GTF3C3: variants seen among roughly 807,000 people sequenced by gnomAD.
The protein encoded by GTF3C3 is general transcription factor 3C polypeptide 3.
In GTF3C3, 75 loss-of-function variants were observed where a neutral mutation model predicts 105.2. That is an observed-to-expected ratio of 0.71 (90% CI 0.59 to 0.86). GTF3C3 has a LOEUF of 0.86. Among genes scored for constraint, GTF3C3 ranks in the 40% least tolerant of loss-of-function variants. The pLI, the probability that GTF3C3 is intolerant of heterozygous loss-of-function variation, is 0.00. For synonymous variants in GTF3C3, 335 were observed against 370.4 expected, an observed-to-expected ratio of 0.90 and a Z score of 1.10; for missense variants, 856 against 1,076.5, an observed-to-expected ratio of 0.80 and a Z score of 2.87.
intron 8 of GTF3C3, among the ~76,000 whole-genome samples, chr2:196,783,912 G>T (rs1336168468): frequency 6.6e-6 from 1 of 152,108 alleles, no homozygotes; most frequent in Non-Finnish European, 1.5e-5. Flanking sequence ...GAAACTTACT[G>T]AACTGGGTTT....
In GTF3C3 at chr2:196,763,817, A is replaced by T. The variant is rs1438347301; in HGVS notation, c.*746T>A. The T allele has an allele frequency of 6.6e-6, 1 of 152,190 alleles. No homozygotes were observed. The highest frequency in any genetic ancestry group is 2.4e-5 in the African/African-American group (1 of 41,474). 9.4% of individuals were successfully genotyped at this position (152,190 alleles called of 1,614,324 possible). A position where few individuals can be genotyped will look rare whatever the true frequency, so the allele number is the denominator to read the frequency against. On this transcript the variant is annotated 3_prime_UTR_variant, in exon 18 of 18. Transcript: ENST00000263956. ...AAAAAAAAAGTTTTTTACTTTATCA[A>T]TCAGCAGTATGTCCTTTATTCCATA...
At chr2:196,781,420 C>G (rs1699361061) in intron 8 of GTF3C3, among the ~76,000 whole-genome samples, 1 of 120,842 alleles carries the variant, frequency 8.3e-6, no homozygotes. Flanking sequence ...AGAAGCAATA[C>G]AGTTTAACAG....
At position 196,764,596 on chromosome 2, in the gene GTF3C3, A is replaced by G. The variant is rs61741430; in HGVS notation, c.2628T>C (p.Ala876=). ...AACAATAGGTATACAAAAGCGTTTG[A>G]GCCATTCCGGTATTCCCACTGCTCT... ...IYQSSGNTGM[A]QTLLYTYCSI The change falls in exon 18 of 18, where the codon GCT becomes GCC. Residue 876 remains alanine, a synonymous_variant. Coordinates refer to ENST00000263956, the MANE Select transcript of GTF3C3 (RefSeq NM_012086.5). 0.012 allele frequency: 19,709 copies of G among 1,613,828 alleles called. 155 individuals are homozygous for G. The highest frequency in any genetic ancestry group is 0.037 in the Middle Eastern group (222 of 6,062).
At position 196,797,838 on chromosome 2, in the gene GTF3C3, C is replaced by T. The variant is rs749882461; in HGVS notation, c.173G>A (p.Gly58Glu). ...GTCTTGGGATTTGGTAGAGTTAATT[C>T]CTGATGATGATGGAACTTCAGAGTC... ...PDDSEVPSSS[G>E]INSTKSQDKD... Residue 58 changes from glycine to glutamate, a missense_variant, in exon 2 of 18, where the codon GGA becomes GAA. Physicochemically the swap from Gly to Glu is moderately conservative, Grantham distance 98. Around this residue, in one of 3 missense-constraint regions of GTF3C3, gnomAD observed 117 missense variants for 114.0 expected, o/e 1.03. Transcript: ENST00000263956. 4 of 1,611,740 alleles carry T rather than the reference C, an allele frequency of 2.5e-6. No individual in the cohort carries two copies. The South Asian group carries it at 4.4e-5, about 18-fold the overall frequency.
In GTF3C3 at chr2:196,798,818, T is replaced by C. The variant is rs1265182196; in HGVS notation, c.102+692A>G. Among the ~76,000 whole-genome samples the C allele has an allele frequency of 5.9e-5, 8 of 134,990 alleles. No individual in the cohort carries two copies. In the East Asian group the frequency reaches 1.8e-3, roughly 30 times the overall value. 88.6% of individuals were successfully genotyped at this position (134,990 alleles called of 152,430 possible). A position where few individuals can be genotyped will look rare whatever the true frequency, so the allele number is the denominator to read the frequency against. On this transcript the variant is annotated intron_variant, in intron 1 of 17. Transcript: ENST00000263956. ...CCGAGGTTGCAGTGAGCCGAGATCG[T>C]GCCACTGCACTCCAGCCTGGGCAAC...
chr2:196,781,359 TATATATATATA>T, intron 8 of GTF3C3, among the ~76,000 whole-genome samples: 1 of 62,400 alleles, frequency 1.6e-5, no homozygotes, highest in Admixed American at 1.6e-4. Context: ...AAAAAAAAAA[TATATATATATA>T]TATATATATA....
intron 4 of GTF3C3, 118 bp downstream of exon 4, chr2:196,791,219 C>T: frequency 1.2e-6 from 1 of 862,852 alleles, no homozygotes; most frequent in East Asian, 2.6e-5. Flanking sequence ...TTACCATTAC[C>T]ACAATCACCC....
chr2:196,775,391 G>A, intron 12 of GTF3C3, 140 bp from the exon 13 acceptor site: 1 of 606,118 alleles, frequency 1.6e-6, no homozygotes, highest in Non-Finnish European at 2.7e-6. Context: ...AAGTAGCTGG[G>A]ACCACAGGCA....
At chr2:196,798,390 T>C (rs544311431) in intron 1 of GTF3C3, among the ~76,000 whole-genome samples, 28 of 151,980 alleles carry the variant, frequency 1.8e-4, no homozygotes, top group African/African-American at 6.5e-4. Flanking sequence ...CAGAGTGTGA[T>C]GGCTCACACC....
chr2:196,781,780 A>G (rs1488028606), intron 8 of GTF3C3, among the ~76,000 whole-genome samples: 3 of 152,112 alleles, frequency 2.0e-5, no homozygotes, highest in East Asian at 1.9e-4. Context: ...AGTCTGCTCA[A>G]CGAGAGAGCA....
intron 2 of GTF3C3, among the ~76,000 whole-genome samples, chr2:196,795,382 C>T (rs1699625924): frequency 6.6e-6 from 1 of 152,170 alleles, no homozygotes; most frequent in South Asian, 2.1e-4. Flanking sequence ...TGAAATACTT[C>T]AAATGAGATA....
Position 196,764,386 on chromosome 2 carries a change from A to C in GTF3C3, c.*177T>G. The C allele has an allele frequency of 2.0e-6, 1 of 505,840 alleles. No homozygotes were observed. Among genetic ancestry groups the C allele is most frequent in the South Asian group, 5.3e-5 (1 of 18,808 alleles). The allele number at this position is 505,840 out of a possible 1,614,324, so 31.3% of individuals were successfully genotyped here. On this transcript the variant is annotated 3_prime_UTR_variant, in exon 18 of 18. Coordinates refer to ENST00000263956, the MANE Select transcript of GTF3C3 (RefSeq NM_012086.5). Reference sequence around the variant, plus strand: ...AGACCAATATACAAATTTTTGTAGGAATAATTTTGCATATATACCACAAGA... The same window carrying C: ...AGACCAATATACAAATTTTTGTAGGCATAATTTTGCATATATACCACAAGA...
In GTF3C3 at chr2:196,766,580, A is replaced by T; in HGVS notation, c.2523T>A (p.Pro841=). The part of the protein sequence containing the change: ...IHYYQKALEL[P]PLVVEGIELD... ...TGCACAATACCTCTACCACAAGTGG[A>T]GGGAGCTCCAGGGCCTTCTGATAAT... The change falls in exon 17 of 18, where the codon CCT becomes CCA. Residue 841 remains proline, a synonymous_variant. Coordinates refer to ENST00000263956, the MANE Select transcript of GTF3C3 (RefSeq NM_012086.5). 6.2e-7 allele frequency: 1 copy of T among 1,609,916 alleles called. No homozygotes were observed. Among genetic ancestry groups the T allele is most frequent in the Non-Finnish European group, 8.5e-7 (1 of 1,177,540 alleles).
chr2:196,778,790 C>G, intron 10 of GTF3C3, 106 bp downstream of exon 10: 1 of 1,057,738 alleles, frequency 9.5e-7, no homozygotes, highest in South Asian at 1.3e-5. Flanking sequence ...AAAAACTCCC[C>G]TGAAACCAGA....
intron 16 of GTF3C3, among the ~76,000 whole-genome samples, chr2:196,768,311 G>A (rs888267561): frequency 5.9e-5 from 9 of 152,118 alleles, no homozygotes; most frequent in Non-Finnish European, 8.8e-5. Flanking sequence ...AAGCCACTGT[G>A]CCTCGCCAAA....
intron 17 of GTF3C3, 106 bp from the exon 18 acceptor site, chr2:196,764,791 A>AT: frequency 1.1e-6 from 1 of 942,218 alleles, no homozygotes; most frequent in Non-Finnish European, 1.6e-6. Context: ...TTCAAAAGGT[A>AT]TTAAAGCTCA....
At chr2:196,780,215 C>CT (rs57683313) in intron 9 of GTF3C3, 181,947 of 769,070 alleles carry the variant, frequency 0.24, 10,245 homozygotes, top group African/African-American at 0.41. Flanking sequence ...ATGCTAAGTA[C>CT]TTTTTTTTTT....
At chr2:196,769,803 T>G in intron 16 of GTF3C3, 112 bp downstream of exon 16, 1 of 813,358 alleles carries the variant, frequency 1.2e-6, no homozygotes. Context: ...CCCCGTCATG[T>G]GTACTGAGAG....
At chr2:196,790,951 A>C (rs1424346962) in intron 4 of GTF3C3, among the ~76,000 whole-genome samples, 1 of 152,232 alleles carries the variant, frequency 6.6e-6, no homozygotes, top group East Asian at 1.9e-4. Context: ...CTGAGAGATA[A>C]GATGACAAGT....
Sources: gnomAD v4.1 joint callset for allele counts (sites outside exome capture counted in the v4.1 genomes callset) on GRCh38, gnomAD v4.1.1 for gene constraint, gnomAD v4.1.1 regional missense constraint, MANE v1.5 for transcripts, NCBI Gene and HGNC (gene_info 2026-07-23, HGNC 2026-07-21) for gene names.